The following ZRSR2 variants were observed in gnomAD, a reference collection of about 807,000 sequenced individuals.
ZRSR2 encodes the protein zinc finger CCCH-type, RNA binding motif and serine/arginine rich 2.
Under a neutral mutation model 39.4 loss-of-function variants are expected in ZRSR2, and 3 were observed. The ratio of observed to expected loss-of-function variants is 0.08; its 90% confidence interval spans 0.03 to 0.20. The LOEUF is 0.20. ZRSR2 is among the 10% of genes least tolerant of loss of function. The pLI is 1.00. For synonymous variants in ZRSR2, 137 were observed against 136.0 expected (o/e 1.01, Z -0.05); for missense variants, 256 against 391.5 (o/e 0.65, Z 2.92).
chrX:15,818,712 G>T, intron 9 of ZRSR2, 70 bp downstream of exon 9: 2 of 847,943 alleles, frequency 2.4e-6, no homozygotes, highest in Non-Finnish European at 1.7e-6. Context: ...TTGATGTCTG[G>T]GATTTTTCCA....
At chrX:15,792,684 A>G (rs1416038428) in intron 2 of ZRSR2, among the ~76,000 whole-genome samples, 1 of 112,303 alleles carries the variant, frequency 8.9e-6, no homozygotes, top group Admixed American at 9.5e-5. Flanking sequence ...GGCAAAACCT[A>G]ACATTTATGT....
At position 15,823,096 on chromosome X, in the gene ZRSR2, C is replaced by A. The variant is rs756753638; in HGVS notation, c.1303C>A (p.Arg435=). 1.0e-5 allele frequency: 12 copies of A among 1,204,192 alleles called. No homozygotes were observed. Among genetic ancestry groups the A allele is most frequent in the Middle Eastern group, 2.4e-4 (1 of 4,153 alleles). ...TAGGGACCGCAGCAGGGACCGCAGC[C>A]GGGGCCGGGGCAGCCGGAGCCGGAG... ...RNRDRSRDRS[R]GRGSRSRSRS... The change falls in exon 11 of 11, where the codon CGG becomes AGG. Residue 435 remains arginine (R), a synonymous_variant. Coordinates refer to ENST00000307771, the MANE Select transcript of ZRSR2 (RefSeq NM_005089.4).
intron 4 of ZRSR2, 120 bp downstream of exon 4, chrX:15,803,916 C>G (rs1932750961): frequency 2.0e-6 from 2 of 1,007,218 alleles, no homozygotes; most frequent in East Asian, 6.9e-5. Flanking sequence ...GCACTCCAGC[C>G]TGGGCAGCAA....
Position 15,822,970 on chromosome X carries a change from G to A in ZRSR2, c.1177G>A (p.Gly393Arg), listed in dbSNP as rs745623135. Residue 393 changes from glycine to arginine, a missense_variant, in exon 11 of 11, where the codon GGG becomes AGG. Transcript: ENST00000307771. ...TCCAGACCACTCCTACAAAAGAAATGGGGAATCCGAGAGGAAAAGTAGTCG... is the reference window on the plus strand; with the variant it reads ...TCCAGACCACTCCTACAAAAGAAATAGGGAATCCGAGAGGAAAAGTAGTCG... Reference protein sequence around the residue: ...PSPDHSYKRNGESERKSSRHR... With the variant: ...PSPDHSYKRNRESERKSSRHR... 1 of 1,212,351 alleles carries A rather than the reference G, an allele frequency of 8.2e-7. No homozygotes were observed. The highest frequency in any genetic ancestry group is 1.8e-5 in the South Asian group (1 of 57,047).
rs944196180 is a variant in ZRSR2, at chrX:15,815,559, G to A, written c.558-118G>A. ...GGACCTCAGGTGATTCACCCGCCTC[G>A]GCCTCCCAAAGTGTTGGGATTACAG... On this transcript the variant is annotated intron_variant, in intron 7 of 10. Coordinates refer to ENST00000307771, the MANE Select transcript of ZRSR2 (RefSeq NM_005089.4). 108 of 578,753 alleles carry A rather than the reference G, an allele frequency of 1.9e-4. 1 individual carries two copies. The highest frequency in any genetic ancestry group is 2.6e-4 in the Non-Finnish European group (95 of 368,149). 47.7% of individuals were successfully genotyped at this position (578,753 alleles called of 1,213,427 possible). A position where few individuals can be genotyped will look rare whatever the true frequency, so the allele number is the denominator to read the frequency against.
chrX:15,803,949 G>GAA (rs369783360), intron 4 of ZRSR2, among the ~76,000 whole-genome samples, 153 bp downstream of exon 4: 73 of 46,648 alleles, frequency 1.6e-3, no homozygotes, highest in African/African-American at 5.4e-3. Context: ...ATCTCAAAAA[G>GAA]AAAAAAAAAA....
rs1161620649 is a variant in ZRSR2 at position 15,820,198 on chromosome X, G to T, written c.828-9G>T. 8.4e-7 allele frequency: 1 copy of T among 1,192,195 alleles called. No individual in the cohort carries two copies. The highest frequency in any genetic ancestry group is 1.8e-5 in the South Asian group (1 of 56,081). On this transcript the variant is annotated splice_polypyrimidine_tract_variant and intron_variant, in intron 9 of 10. Coordinates refer to ENST00000307771, the MANE Select transcript of ZRSR2 (RefSeq NM_005089.4). ...CTGTAAAGCATATCATTTGATTTTTGGTTTAAAGGGAAGAAGAATGCCAAG... is the reference window on the plus strand; with the variant it reads ...CTGTAAAGCATATCATTTGATTTTTTGTTTAAAGGGAAGAAGAATGCCAAG...
intron 7 of ZRSR2, 78 bp from the exon 8 acceptor site, chrX:15,815,599 G>A: frequency 1.1e-6 from 1 of 903,151 alleles, no homozygotes; most frequent in Non-Finnish European, 1.6e-6. Context: ...GAGCCACCAT[G>A]CCTGGTCTAA....
At chrX:15,799,701 T>G (rs1219112076) in intron 2 of ZRSR2, among the ~76,000 whole-genome samples, 171 bp from the exon 3 acceptor site, 1 of 111,841 alleles carries the variant, frequency 8.9e-6, no homozygotes, top group African/African-American at 3.2e-5. Context: ...ATTGTCCTTT[T>G]TGATGCTTGT....
chrX:15,811,433 CT>C (rs1242842582), intron 7 of ZRSR2, among the ~76,000 whole-genome samples: 1 of 90,241 alleles, frequency 1.1e-5, no homozygotes, highest in Admixed American at 1.3e-4. Flanking sequence ...ACCCCCCCCC[CT>C]TTTTTTTTTG....
rs761351852 is a variant in ZRSR2 at position 15,801,080 on chromosome X, A to G, written c.203+1127A>G. 8.9e-5 allele frequency among the ~76,000 whole-genome samples: 10 copies of G among 112,875 alleles called. No homozygotes were observed. In the South Asian group the frequency reaches 1.8e-3, roughly 20 times the overall value. ...CCCCATACCTTCACTCATACTAGGC[A>G]TTATCAGTTTATAAAACTATAATGA... On this transcript the variant is annotated intron_variant, in intron 3 of 10. Coordinates refer to ENST00000307771, the MANE Select transcript of ZRSR2 (RefSeq NM_005089.4).
At chrX:15,797,453 G>T (rs1351427021) in intron 2 of ZRSR2, among the ~76,000 whole-genome samples, 2 of 110,800 alleles carry the variant, frequency 1.8e-5, no homozygotes, top group Non-Finnish European at 3.8e-5. Context: ...CAGGTGATCC[G>T]CCCGCCTTGG....
intron 1 of ZRSR2, 39 bp from the exon 2 acceptor site, chrX:15,790,895 G>T: frequency 1.7e-6 from 2 of 1,159,656 alleles, no homozygotes; most frequent in Non-Finnish European, 2.4e-6. Context: ...GCGCTGCATT[G>T]TAGCCGCTGA....
chrX:15,791,177 A>C (rs180963187), intron 2 of ZRSR2, among the ~76,000 whole-genome samples, 164 bp downstream of exon 2: 20 of 112,136 alleles, frequency 1.8e-4, no homozygotes. Context: ...GTCAGAAACA[A>C]TGTTAACATA....
intron 5 of ZRSR2, among the ~76,000 whole-genome samples, chrX:15,806,921 T>G (rs1932793131): frequency 9.0e-6 from 1 of 111,303 alleles, no homozygotes; most frequent in South Asian, 3.8e-4. Flanking sequence ...TATTTTTAGG[T>G]TTTTAGTTTG....
intron 1 of ZRSR2, 21 bp downstream of exon 1, chrX:15,790,557 T>G: frequency 3.5e-6 from 4 of 1,155,644 alleles, no homozygotes; most frequent in African/African-American, 1.8e-5. Context: ...TACGGGGAGA[T>G]GAGCAGGCGA....
At position 15,803,420 on chromosome X, in the gene ZRSR2, T is replaced by C. The variant is rs755098855; in HGVS notation, c.204-268T>C. On this transcript the variant is annotated intron_variant, in intron 3 of 10. Transcript: ENST00000307771. ...GAGGGAAAGTCATAGTGTCCTTTTT[T>C]CTGTAAAGTATGTCACAGCCATATA... is the stretch of plus-strand genomic sequence containing the variant. Among the ~76,000 whole-genome samples the C allele has an allele frequency of 3.6e-5, 4 of 111,897 alleles. No individual in the cohort carries two copies. The East Asian group carries it at 1.1e-3, about 31-fold the overall frequency.
intron 2 of ZRSR2, among the ~76,000 whole-genome samples, chrX:15,791,223 G>T (rs16980151): frequency 0.029 from 3,200 of 111,798 alleles, 126 homozygotes; most frequent in African/African-American, 0.096. Flanking sequence ...GTGAATGATC[G>T]CCCACTGATT....
chrX:15,795,490 T>C (rs1243881346), intron 2 of ZRSR2, among the ~76,000 whole-genome samples: 2 of 111,554 alleles, frequency 1.8e-5, no homozygotes, highest in Admixed American at 1.9e-4. Context: ...AATATTAAAA[T>C]AATTTTAAAA....
Sources: allele counts gnomAD v4.1 joint callset (sites outside exome capture counted in the v4.1 genomes callset), GRCh38; gene constraint gnomAD v4.1.1; transcripts MANE v1.5; gene names NCBI Gene and HGNC (gene_info 2026-07-23, HGNC 2026-07-21).